The following OXR1 variants were observed in gnomAD, a reference collection of about 807,000 sequenced individuals.
The protein encoded by OXR1 is oxidation resistance 1, also known as oxidation resistance protein 1.
Under a neutral mutation model 104.6 loss-of-function variants are expected in OXR1, and 41 were observed. That is an observed-to-expected ratio of 0.39 (90% CI 0.31 to 0.51). The LOEUF (loss-of-function observed/expected upper bound fraction) is 0.51. Ranked by LOEUF, OXR1 falls within the 20% of genes least tolerant of loss-of-function variation. OXR1 has a pLI of 0.77. For missense variants in OXR1, 955 were observed against 1,031.9 expected (o/e 0.93, Z 1.02); for synonymous variants, 348 against 348.4 (o/e 1.00, Z 0.01).
At chr8:106,704,546 T>C (rs994062372) in intron 8 of OXR1, among the ~76,000 whole-genome samples, 4 of 151,790 alleles carry the variant, frequency 2.6e-5, no homozygotes, top group African/African-American at 9.7e-5. Flanking sequence ...TACAGACACC[T>C]GCCACCACAT....
At chr8:106,386,274 G>C (rs1817367327) in intron 2 of OXR1, among the ~76,000 whole-genome samples, 1 of 152,176 alleles carries the variant, frequency 6.6e-6, no homozygotes, top group Non-Finnish European at 1.5e-5. Flanking sequence ...CTGACCTTTG[G>C]TGCCCATCCA....
At position 106,345,222 on chromosome 8, in the gene OXR1, G is replaced by T. The variant is rs528807190; in HGVS notation, c.-138-14254G>T. On this transcript the variant is annotated intron_variant, in intron 1 of 16. Transcript: ENST00000517566. ...ATGAATGACATAAGAACACATAGCA[G>T]GTGCTCAATAAATATTAGATAAGTG... Among the ~76,000 whole-genome samples the T allele has an allele frequency of 3.3e-5, 5 of 152,246 alleles. No homozygotes were observed. In the South Asian group the frequency reaches 1.0e-3, roughly 32 times the overall value.
intron 3 of OXR1, among the ~76,000 whole-genome samples, chr8:106,539,964 A>G (rs904906457): frequency 6.6e-6 from 1 of 152,198 alleles, no homozygotes; most frequent in African/African-American, 2.4e-5. Context: ...TAATATTTAT[A>G]TAATTGATTC....
chr8:106,627,920 T>C (rs1822309307), intron 3 of OXR1, among the ~76,000 whole-genome samples: 1 of 152,132 alleles, frequency 6.6e-6, no homozygotes, highest in African/African-American at 2.4e-5. Context: ...CTTAGCAGAT[T>C]TCCCATGCTT....
intron 2 of OXR1, among the ~76,000 whole-genome samples, chr8:106,508,915 T>C (rs1417117378): frequency 4.6e-5 from 7 of 152,226 alleles, no homozygotes; most frequent in Non-Finnish European, 1.0e-4. Flanking sequence ...AGTTTGGAGT[T>C]GCCTTATGTT....
chr8:106,548,594 G>A (rs775553365), intron 3 of OXR1, among the ~76,000 whole-genome samples: 14 of 152,122 alleles, frequency 9.2e-5, no homozygotes, highest in Non-Finnish European at 1.9e-4. Flanking sequence ...TAATAAGTAA[G>A]GATGAATTAA....
At chr8:106,525,428 A>T (rs1012862604) in intron 3 of OXR1, among the ~76,000 whole-genome samples, 1 of 152,220 alleles carries the variant, frequency 6.6e-6, no homozygotes, top group African/African-American at 2.4e-5. Flanking sequence ...ACAACGTGCT[A>T]TCTGTTTACC....
intron 3 of OXR1, among the ~76,000 whole-genome samples, chr8:106,596,038 A>G (rs1819502278): frequency 6.6e-6 from 1 of 152,108 alleles, no homozygotes; most frequent in South Asian, 2.1e-4. Context: ...TTTTAGCAAA[A>G]CTTTCTACTG....
intron 3 of OXR1, among the ~76,000 whole-genome samples, chr8:106,653,610 G>T (rs1291448232): frequency 6.6e-6 from 1 of 151,608 alleles, no homozygotes; most frequent in Non-Finnish European, 1.5e-5. Flanking sequence ...CTAGAGTAAG[G>T]GCATCTACAA....
chr8:106,682,818 TTTGCAAA>T (rs1828310724), intron 4 of OXR1, among the ~76,000 whole-genome samples: 1 of 152,170 alleles, frequency 6.6e-6, no homozygotes, highest in Non-Finnish European at 1.5e-5. Flanking sequence ...ACAGGTGTAC[TTTGCAAA>T]AATGAAATTA....
At chr8:106,523,130 C>A (rs944734404) in intron 3 of OXR1, among the ~76,000 whole-genome samples, 2 of 152,220 alleles carry the variant, frequency 1.3e-5, no homozygotes, top group Non-Finnish European at 2.9e-5. Context: ...GGGCCACTTG[C>A]TTTTCTTGTC....
chr8:106,443,265 G>T (rs1425276109), intron 2 of OXR1, among the ~76,000 whole-genome samples: 1 of 152,126 alleles, frequency 6.6e-6, no homozygotes, highest in African/African-American at 2.4e-5. Flanking sequence ...GTTGTACTGA[G>T]AGACTGTTTA....
At chr8:106,551,858 A>ATGTGTGTGTG (rs1428718280) in intron 3 of OXR1, among the ~76,000 whole-genome samples, 248 of 94,246 alleles carry the variant, frequency 2.6e-3, no homozygotes, top group Non-Finnish European at 4.7e-3. Flanking sequence ...ATGTGTATAT[A>ATGTGTGTGTG]TATGTGTGTG....
At chr8:106,473,206 A>G (rs1045188396) in intron 2 of OXR1, among the ~76,000 whole-genome samples, 10 of 151,890 alleles carry the variant, frequency 6.6e-5, no homozygotes, top group African/African-American at 2.4e-5. Context: ...GCTCTAAGTC[A>G]GGATGGAACT....
chr8:106,705,293 G>GT (rs1274839272), intron 8 of OXR1, among the ~76,000 whole-genome samples: 1 of 151,984 alleles, frequency 6.6e-6, no homozygotes, highest in African/African-American at 2.4e-5. Flanking sequence ...CTAGATTCTT[G>GT]TTTTTTTAAG....
intron 3 of OXR1, among the ~76,000 whole-genome samples, chr8:106,617,250 C>A (rs3134137): frequency 6.6e-6 from 1 of 151,940 alleles, no homozygotes; most frequent in African/African-American, 2.4e-5. Context: ...TAATGAAACC[C>A]CATCTCTACT....
intron 5 of OXR1, among the ~76,000 whole-genome samples, chr8:106,683,609 C>T (rs1282572747): frequency 6.6e-6 from 1 of 152,044 alleles, no homozygotes; most frequent in Non-Finnish European, 1.5e-5. Context: ...TAAGGCATCC[C>T]TCCATCTCAA....
chr8:106,698,046 C>A, intron 7 of OXR1: 2 of 1,511,976 alleles, frequency 1.3e-6, no homozygotes, highest in South Asian at 1.1e-5. Context: ...GGGGAGCGTT[C>A]AAACGGGCTG....
chr8:106,470,439 G>A (rs2130676859), intron 2 of OXR1, among the ~76,000 whole-genome samples: 1 of 151,846 alleles, frequency 6.6e-6, no homozygotes, highest in South Asian at 2.1e-4. Flanking sequence ...TTTGGCCTGA[G>A]CAACTGAAAA....
Sources: gnomAD v4.1 joint callset for allele counts (sites outside exome capture counted in the v4.1 genomes callset) on GRCh38, gnomAD v4.1.1 for gene constraint, MANE v1.5 for transcripts, NCBI Gene and HGNC (gene_info 2026-07-23, HGNC 2026-07-21) for gene names.